Variants in SLC9B1 observed in about 807,000 individuals in gnomAD.
The protein encoded by SLC9B1 is solute carrier family 9 member B1, also known as sodium/hydrogen exchanger 9B1.
In SLC9B1, 32 loss-of-function variants were observed where a neutral mutation model predicts 51.7. The observed-to-expected ratio is 0.62, with a 90% CI of 0.47 to 0.83. The LOEUF (loss-of-function observed/expected upper bound fraction) is 0.83, where lower values mean the gene tolerates loss of function less well. SLC9B1 is among the 40% of genes least tolerant of loss of function. The pLI is 0.00. For missense variants in SLC9B1, 406 were observed against 613.2 expected (o/e 0.66, Z 3.57); for synonymous variants, 145 against 212.7 (o/e 0.68, Z 2.77).
chr4:103,010,656 C>A (rs1169838113), intron 1 of SLC9B1, among the ~76,000 whole-genome samples: 1 of 152,142 alleles, frequency 6.6e-6, no homozygotes, highest in African/African-American at 2.4e-5. Flanking sequence ...CAAAATGGTG[C>A]CTTGAATGCT....
intron 7 of SLC9B1, among the ~76,000 whole-genome samples, chr4:102,921,431 C>G (rs1244038171): frequency 3.3e-5 from 5 of 152,184 alleles, no homozygotes; most frequent in Admixed American, 6.6e-5. Flanking sequence ...TGGAAAGAAA[C>G]ACCCGGTACC....
intron 7 of SLC9B1, among the ~76,000 whole-genome samples, chr4:102,926,012 T>C (rs907712568): frequency 1.3e-5 from 2 of 152,244 alleles, no homozygotes; most frequent in African/African-American, 2.4e-5. Context: ...ATTATCTCAA[T>C]AGATGCAGAA....
chr4:102,986,466 C>A (rs978908927), intron 3 of SLC9B1, among the ~76,000 whole-genome samples: 1 of 152,018 alleles, frequency 6.6e-6, no homozygotes, highest in African/African-American at 2.4e-5. Context: ...TGGACATTTA[C>A]CCTGTTTGGT....
intron 7 of SLC9B1, among the ~76,000 whole-genome samples, chr4:102,912,449 T>G (rs1276092713): frequency 6.6e-6 from 1 of 152,160 alleles, no homozygotes; most frequent in Non-Finnish European, 1.5e-5. Flanking sequence ...AATATTAATA[T>G]ATCCATACTT....
At chr4:102,971,076 C>T (rs1405674539) in intron 3 of SLC9B1, among the ~76,000 whole-genome samples, 1 of 152,160 alleles carries the variant, frequency 6.6e-6, no homozygotes, top group Non-Finnish European at 1.5e-5. Context: ...TTAGACAGAT[C>T]AATGAGACAG....
chr4:102,915,665 A>G (rs6847093), intron 7 of SLC9B1, among the ~76,000 whole-genome samples: 83,237 of 152,060 alleles, frequency 0.55, 23,371 homozygotes, highest in African/African-American at 0.68. Context: ...CTACAGGTGT[A>G]AGACACCACA....
chr4:102,889,632 C>CT (rs34550207), intron 11 of SLC9B1: 5 of 150,114 alleles, frequency 3.3e-5, no homozygotes, highest in Non-Finnish European at 3.0e-5. Context: ...AGAATAAAGA[C>CT]TTTTTCCCTG....
chr4:102,997,430 G>A (rs562676324), intron 1 of SLC9B1, among the ~76,000 whole-genome samples: 7 of 151,844 alleles, frequency 4.6e-5, no homozygotes, highest in Admixed American at 4.6e-4. Context: ...ATGTTTTTTG[G>A]ATGGTTATAA....
At chr4:102,950,266 G>A (rs984866640) in intron 3 of SLC9B1, among the ~76,000 whole-genome samples, 4 of 152,134 alleles carry the variant, frequency 2.6e-5, no homozygotes, top group Non-Finnish European at 5.9e-5. Flanking sequence ...GTAATGGCTG[G>A]AAGAAATGAA....
At chr4:102,962,861 G>GTGA (rs1404034609) in intron 3 of SLC9B1, 9 of 471,916 alleles carry the variant, frequency 1.9e-5, no homozygotes, top group African/African-American at 1.8e-4. Flanking sequence ...AGGTATCAAT[G>GTGA]TGATCAACCA....
chr4:102,991,175 T>A (rs923329738), intron 2 of SLC9B1, among the ~76,000 whole-genome samples: 10 of 151,978 alleles, frequency 6.6e-5, no homozygotes, highest in East Asian at 1.9e-4. Flanking sequence ...ATCTCTATTT[T>A]AAAAAAATAC....
At chr4:103,001,552 G>A (rs1472327539) in intron 1 of SLC9B1, among the ~76,000 whole-genome samples, 1 of 152,212 alleles carries the variant, frequency 6.6e-6, no homozygotes, top group Non-Finnish European at 1.5e-5. Flanking sequence ...AAGCACAGAA[G>A]AGTGATCTTT....
intron 3 of SLC9B1, among the ~76,000 whole-genome samples, chr4:102,959,977 CT>C (rs1191696730): frequency 6.6e-6 from 1 of 151,740 alleles, no homozygotes; most frequent in Non-Finnish European, 1.5e-5. Flanking sequence ...ACATGCACCC[CT>C]GAACCCAAAA....
rs1738029285 is a variant in SLC9B1, at chr4:102,960,204, T to C, written c.212-10777A>G. 1.5e-4 allele frequency among the ~76,000 whole-genome samples: 5 copies of C among 32,336 alleles called. No individual in the cohort carries two copies. In the South Asian group the frequency reaches 3.9e-3, roughly 25 times the overall value. The allele number at this position is 32,336 out of a possible 152,430, so 21.2% of individuals were successfully genotyped here. The stretch of plus-strand genomic sequence containing the variant: ...ATATTCCTAATGAACTTGACTATAT[T>C]ATATATATATGTTTATTTAGAAGTA... On this transcript the variant is annotated intron_variant, in intron 3 of 11. Coordinates refer to ENST00000296422, the MANE Select transcript of SLC9B1 (RefSeq NM_139173.4).
intron 3 of SLC9B1, among the ~76,000 whole-genome samples, chr4:102,955,899 A>AAGAAAGAAAGAAAG (rs199714147): frequency 9.3e-6 from 1 of 107,888 alleles, no homozygotes. Flanking sequence ...GAAAGAAAGA[A>AAGAAAGAAAGAAAG]AGAGAGAGAA....
At chr4:102,911,312 T>C (rs1196963154) in intron 8 of SLC9B1, 119 bp downstream of exon 8, 10 of 673,206 alleles carry the variant, frequency 1.5e-5, no homozygotes, top group East Asian at 5.5e-5. Flanking sequence ...AGAGTAGGCA[T>C]TGGAGGCTAG....
rs779060805 is a variant in SLC9B1, at chr4:102,910,566, C to T, written c.959G>A (p.Gly320Glu). The T allele has an allele frequency of 7.4e-6, 11 of 1,485,524 alleles. No individual in the cohort carries two copies. Among genetic ancestry groups the T allele is most frequent in the Non-Finnish European group, 1.8e-6 (2 of 1,120,740 alleles). The allele number at this position is 1,485,524 out of a possible 1,614,324, so 92.0% of individuals were successfully genotyped here. Residue 320 changes from glycine (G) to glutamate (E), a missense_variant, in exon 9 of 12, where the codon GGA becomes GAA. By Grantham distance (98) the Gly-to-Glu change is moderately conservative (BLOSUM62 -2). Coordinates refer to ENST00000296422, the MANE Select transcript of SLC9B1 (RefSeq NM_139173.4). ...AACACACATAGTCAAAACAAGGAAT[C>T]CTCTCTTCAATGTAAGTTTTTTCTA... The part of the protein sequence containing the change: ...EDQKKLTLKR[G>E]FLVLTMCVSA...
intron 3 of SLC9B1, among the ~76,000 whole-genome samples, chr4:102,963,723 T>C (rs1373142037): frequency 6.6e-6 from 1 of 151,980 alleles, no homozygotes; most frequent in Non-Finnish European, 1.5e-5. Context: ...TAAATCCTTT[T>C]CCCCCAGCCT....
chr4:102,939,171 C>CA (rs1736866433), intron 6 of SLC9B1, among the ~76,000 whole-genome samples: 1 of 150,116 alleles, frequency 6.7e-6, no homozygotes, highest in Non-Finnish European at 1.5e-5. Context: ...AGAGAAGATC[C>CA]AAAAAACACA....
Sources: allele counts gnomAD v4.1 joint callset (sites outside exome capture counted in the v4.1 genomes callset), GRCh38; gene constraint gnomAD v4.1.1; transcripts MANE v1.5; gene names NCBI Gene and HGNC (gene_info 2026-07-23, HGNC 2026-07-21).